AGO3: variants seen among roughly 807,000 people sequenced by gnomAD.
AGO3 encodes protein argonaute-3.
A neutral mutation model predicts 105.5 loss-of-function variants in AGO3; 16 were observed. The observed-to-expected ratio is 0.15, with a 90% CI of 0.10 to 0.23. AGO3 has a LOEUF of 0.23. Among genes scored for constraint, AGO3 ranks in the 10% least tolerant of loss-of-function variants. The pLI is 1.00. For missense variants in AGO3, 534 were observed against 1,088.0 expected (o/e 0.49, Z 7.16); for synonymous variants, 340 against 367.3 (o/e 0.93, Z 0.85).
In AGO3 at chr1:36,032,760, C is replaced by T. The variant is rs183566803; in HGVS notation, c.1592-1414C>T. On this transcript the variant is annotated intron_variant, in intron 12 of 18. Coordinates refer to ENST00000373191, the MANE Select transcript of AGO3 (RefSeq NM_024852.4). ...ATCCCAGCACTTTGGGAGGCCAAGA[C>T]GGGTGGATCACTTGAGGTCAGGCGT... Among the ~76,000 whole-genome samples, 533 of 152,218 alleles carry T rather than the reference C, an allele frequency of 3.5e-3. 1 individual carries two copies. The highest frequency in any genetic ancestry group is 5.1e-3 in the Non-Finnish European group (349 of 67,990).
chr1:36,038,958 G>C (rs1021600159), intron 14 of AGO3, among the ~76,000 whole-genome samples: 2 of 152,174 alleles, frequency 1.3e-5, no homozygotes, highest in African/African-American at 2.4e-5. Flanking sequence ...AAGTGGAAGA[G>C]ATAGGAAGAA....
In AGO3 at chr1:36,040,461, A is replaced by G. The variant is rs1642196572; in HGVS notation, c.2172+20A>G. The G allele has an allele frequency of 3.1e-6, 5 of 1,613,638 alleles. No individual in the cohort carries two copies. The highest frequency in any genetic ancestry group is 4.2e-6 in the Non-Finnish European group (5 of 1,179,786). On this transcript the variant is annotated intron_variant, in intron 16 of 18. Coordinates refer to ENST00000373191, the MANE Select transcript of AGO3 (RefSeq NM_024852.4). ...GAAAGGGTAATCTCACCTCTGTTGTAATACTGTTATAAACCAAGCTTATCC... is the reference window on the plus strand; with the variant it reads ...GAAAGGGTAATCTCACCTCTGTTGTGATACTGTTATAAACCAAGCTTATCC...
chr1:35,988,652 A>G (rs1186915426), intron 5 of AGO3, among the ~76,000 whole-genome samples: 1 of 151,824 alleles, frequency 6.6e-6, no homozygotes, highest in Non-Finnish European at 1.5e-5. Flanking sequence ...TTATGTATAT[A>G]CCACATTCTT....
rs1441668423 is a variant in AGO3 at position 35,972,141 on chromosome 1, A to T, written c.430A>T (p.Thr144Ser). 1.9e-6 allele frequency: 3 copies of T among 1,613,962 alleles called. No homozygotes were observed. The highest frequency in any genetic ancestry group is 1.1e-5 in the South Asian group (1 of 91,078). Residue 144 changes from threonine to serine, a missense_variant, in exon 4 of 19, where the codon ACC (threonine) becomes TCC (serine). Coordinates refer to ENST00000373191, the MANE Select transcript of AGO3 (RefSeq NM_024852.4). The stretch of plus-strand genomic sequence containing the variant: ...ACTGCATGAAGTACTGACAGGACGG[A>T]CCTTGCCTGAGCCACTGGAATTAGA... Reference protein sequence around the residue: ...HLLHEVLTGRTLPEPLELDKP... With the variant: ...HLLHEVLTGRSLPEPLELDKP...
chr1:36,036,215 C>T lies in AGO3; in HGVS notation c.1790C>T (p.Ala597Val). ...CAGCAACCAGTGATCTTTTTGGGAG[C>T]CGATGTCACTCATCCACCTGCTGGT... is the stretch of plus-strand genomic sequence containing the variant. ...VFQQPVIFLG[A>V]DVTHPPAGDG... The change falls in exon 14 of 19, where the codon GCC (alanine) becomes GTC (valine). Residue 597 changes from alanine to valine, a missense_variant. Coordinates refer to ENST00000373191, the MANE Select transcript of AGO3 (RefSeq NM_024852.4). 6.2e-7 allele frequency: 1 copy of T among 1,614,036 alleles called. No individual in the cohort carries two copies.
intron 1 of AGO3, among the ~76,000 whole-genome samples, chr1:35,943,802 T>C (rs965701140): frequency 1.3e-5 from 2 of 151,736 alleles, no homozygotes; most frequent in Non-Finnish European, 2.9e-5. Flanking sequence ...GGTTTTACCA[T>C]GTTGCCCAGG....
At chr1:36,004,679 G>A (rs911498776) in intron 6 of AGO3, among the ~76,000 whole-genome samples, 2 of 152,090 alleles carry the variant, frequency 1.3e-5, no homozygotes, top group African/African-American at 4.8e-5. Context: ...AATGGAGTTA[G>A]TATCACTACC....
intron 5 of AGO3, among the ~76,000 whole-genome samples, chr1:36,000,692 A>C (rs1373904403): frequency 6.6e-6 from 1 of 152,036 alleles, no homozygotes; most frequent in Non-Finnish European, 1.5e-5. Context: ...TAAACATATA[A>C]CTTAAATTTG....
At chr1:36,014,986 C>G (rs1403524264) in intron 11 of AGO3, among the ~76,000 whole-genome samples, 1 of 152,072 alleles carries the variant, frequency 6.6e-6, no homozygotes, top group African/African-American at 2.4e-5. Context: ...ACACACCAAG[C>G]AAACAATCAG....
rs563974329 is a variant in AGO3 at position 36,043,553 on chromosome 1, G to A, written c.2274+5G>A. ...TGTAGCCATGCTGGAATACAGGTAA[G>A]CCTACACTTTGGGTAAAATATTTTA... On this transcript the variant is annotated splice_donor_5th_base_variant and intron_variant, in intron 17 of 18. Transcript: ENST00000373191. The A allele has an allele frequency of 2.8e-5, 45 of 1,590,648 alleles. No homozygotes were observed. In the South Asian group the frequency reaches 5.2e-4, roughly 18 times the overall value.
intron 5 of AGO3, among the ~76,000 whole-genome samples, chr1:36,003,709 A>AAAAAATATAT (rs1295618675): frequency 2.1e-4 from 21 of 99,432 alleles, no homozygotes; most frequent in Non-Finnish European, 2.9e-4. Flanking sequence ...AAAAAAAAAA[A>AAAAAATATAT]ATATATATAT....
At chr1:35,942,303 G>T (rs1421005439) in intron 1 of AGO3, among the ~76,000 whole-genome samples, 2 of 152,058 alleles carry the variant, frequency 1.3e-5, no homozygotes, top group African/African-American at 4.8e-5. Flanking sequence ...CATTTTGTTA[G>T]GATTTTTGCA....
chr1:35,970,573 C>A (rs961579346), intron 3 of AGO3, among the ~76,000 whole-genome samples: 3 of 152,046 alleles, frequency 2.0e-5, no homozygotes, highest in African/African-American at 7.2e-5. Flanking sequence ...AGAATTAAGA[C>A]TATTGTCAGT....
intron 17 of AGO3, among the ~76,000 whole-genome samples, chr1:36,053,315 C>T (rs1005530452): frequency 2.4e-4 from 36 of 151,618 alleles, no homozygotes; most frequent in Admixed American, 2.4e-3. Context: ...GAGTCTCGCT[C>T]TGTCACCCAG....
At chr1:36,003,554 C>T (rs1640193656) in intron 5 of AGO3, among the ~76,000 whole-genome samples, 1 of 150,968 alleles carries the variant, frequency 6.6e-6, no homozygotes. Flanking sequence ...ATTGGTCGGA[C>T]GTGGTGGTGC....
In AGO3 at chr1:36,059,406, AG is replaced by A. The variant is rs1420738950; in HGVS notation, c.*3662del. On this transcript the variant is annotated 3_prime_UTR_variant, in exon 19 of 19. Coordinates refer to ENST00000373191, the MANE Select transcript of AGO3 (RefSeq NM_024852.4). Reference sequence around the variant, plus strand: ...TTTCTAATCTTTTTTATTTTAAAAAAGTTTTTTTTTTTAAGTTAAACATGAA... The same window carrying A: ...TTTCTAATCTTTTTTATTTTAAAAAATTTTTTTTTTTAAGTTAAACATGAA... The A allele has an allele frequency of 1.3e-5, 2 of 151,514 alleles. No individual in the cohort carries two copies. The highest frequency in any genetic ancestry group is 2.9e-5 in the Non-Finnish European group (2 of 67,860). 9.4% of individuals were successfully genotyped at this position (151,514 alleles called of 1,614,324 possible). A position where few individuals can be genotyped will look rare whatever the true frequency, so the allele number is the denominator to read the frequency against.
chr1:35,960,756 C>T (rs1367338767), intron 2 of AGO3, among the ~76,000 whole-genome samples: 3 of 151,984 alleles, frequency 2.0e-5, no homozygotes, highest in African/African-American at 7.2e-5. Context: ...TAGGTTTTGT[C>T]AGTTATGAAC....
Position 35,931,457 on chromosome 1 carries a change from T to C in AGO3, c.19+12T>C. ...AATCGGCTCCGCAGGTGAGTCAGAGTAGCTGGGCCAGGTAGGGGATGTCAC... is the reference window on the plus strand; with the variant it reads ...AATCGGCTCCGCAGGTGAGTCAGAGCAGCTGGGCCAGGTAGGGGATGTCAC... On this transcript the variant is annotated intron_variant, in intron 1 of 18. Transcript: ENST00000373191. The C allele has an allele frequency of 6.6e-7, 1 of 1,509,696 alleles. No homozygotes were observed. 93.5% of individuals were successfully genotyped at this position (1,509,696 alleles called of 1,614,324 possible). A position where few individuals can be genotyped will look rare whatever the true frequency, so the allele number is the denominator to read the frequency against.
rs1346575851 is a variant in AGO3, at chr1:36,072,150, T to G, written c.*16405T>G. The G allele has an allele frequency of 6.6e-6, 1 of 152,224 alleles. No individual in the cohort carries two copies. The highest frequency in any genetic ancestry group is 1.5e-5 in the Non-Finnish European group (1 of 68,042). 9.4% of individuals were successfully genotyped at this position (152,224 alleles called of 1,614,324 possible). On this transcript the variant is annotated 3_prime_UTR_variant, in exon 19 of 19. Transcript: ENST00000373191. The stretch of plus-strand genomic sequence containing the variant: ...AAACTATCTTCCCCACAGAAATTAT[T>G]ATACTACGAACAAGTTATGAGTGAG...
Sources: gnomAD v4.1 joint callset for allele counts (sites outside exome capture counted in the v4.1 genomes callset) on GRCh38, gnomAD v4.1.1 for gene constraint, MANE v1.5 for transcripts, NCBI Gene and HGNC (gene_info 2026-07-23, HGNC 2026-07-21) for gene names.